NLGN1: variants seen among roughly 807,000 people sequenced by gnomAD.
NLGN1 encodes neuroligin 1, also known as neuroligin-1.
Under a neutral mutation model 65.5 loss-of-function variants are expected in NLGN1, and 12 were observed. The observed-to-expected ratio is 0.18, with a 90% CI of 0.12 to 0.30. The LOEUF is 0.30. Ranked by LOEUF, NLGN1 falls within the 10% of genes least tolerant of loss-of-function variation. NLGN1 has a pLI of 1.00. For missense variants in NLGN1, 750 were observed against 1,007.1 expected, an observed-to-expected ratio of 0.74 and a Z score of 3.46; for synonymous variants, 350 against 359.5, an observed-to-expected ratio of 0.97 and a Z score of 0.30.
intron 2 of NLGN1, among the ~76,000 whole-genome samples, chr3:173,466,670 G>A (rs1326734315): frequency 6.6e-6 from 1 of 152,174 alleles, no homozygotes; most frequent in Admixed American, 6.5e-5. Context: ...CTGGAGAAAT[G>A]CAAGCTATCA....
intron 4 of NLGN1, among the ~76,000 whole-genome samples, chr3:173,850,139 A>G (rs1394184313): frequency 6.6e-6 from 1 of 152,204 alleles, no homozygotes; most frequent in African/African-American, 2.4e-5. Context: ...TTTGGTGGAC[A>G]TCCTTCCAAG....
intron 4 of NLGN1, among the ~76,000 whole-genome samples, chr3:173,986,000 G>A (rs1301995251): frequency 6.6e-6 from 1 of 152,010 alleles, no homozygotes; most frequent in Non-Finnish European, 1.5e-5. Context: ...GATCTGCTGT[G>A]ATTTGAATTA....
chr3:173,780,581 A>G (rs1057271596), intron 3 of NLGN1, among the ~76,000 whole-genome samples: 5 of 152,216 alleles, frequency 3.3e-5, no homozygotes. Context: ...TGTTATTCTG[A>G]GCAGTTACTT....
chr3:173,681,728 G>A (rs1043966468), intron 3 of NLGN1, among the ~76,000 whole-genome samples: 2 of 152,116 alleles, frequency 1.3e-5, no homozygotes, highest in African/African-American at 4.8e-5. Flanking sequence ...TCTCTGCACC[G>A]TGTTCCTTCA....
chr3:173,966,782 C>T (rs1238880291), intron 4 of NLGN1, among the ~76,000 whole-genome samples: 1 of 152,144 alleles, frequency 6.6e-6, no homozygotes, highest in African/African-American at 2.4e-5. Context: ...TAGTTCATTG[C>T]ACTCTTGGTA....
chr3:173,605,178 T>C, intron 3 of NLGN1, 87 bp downstream of exon 2: 6 of 1,096,182 alleles, frequency 5.5e-6, no homozygotes, highest in Non-Finnish European at 7.7e-6. Flanking sequence ...TGTGTACTGG[T>C]AGTATGCATG....
At chr3:173,797,123 A>G (rs1179046300) in intron 3 of NLGN1, among the ~76,000 whole-genome samples, 2 of 152,092 alleles carry the variant, frequency 1.3e-5, no homozygotes, top group African/African-American at 4.8e-5. Flanking sequence ...TGCTGCGGTA[A>G]TCCAGAAGCA....
intron 4 of NLGN1, among the ~76,000 whole-genome samples, chr3:174,069,214 A>G (rs1362683717): frequency 6.6e-6 from 1 of 152,212 alleles, no homozygotes; most frequent in Non-Finnish European, 1.5e-5. Context: ...GTAATACTTT[A>G]TCTATAGTAG....
chr3:173,581,025 GCTT>G (rs910114448), intron 2 of NLGN1, among the ~76,000 whole-genome samples: 19 of 151,898 alleles, frequency 1.3e-4, no homozygotes, highest in Non-Finnish European at 1.3e-4. Context: ...TGGTACATCT[GCTT>G]CTTCTCCCTT....
intron 4 of NLGN1, among the ~76,000 whole-genome samples, chr3:174,092,519 TAAA>T (rs56980219): frequency 1.4e-5 from 2 of 147,200 alleles, no homozygotes; most frequent in Non-Finnish European, 3.0e-5. Context: ...TGGCAATTAT[TAAA>T]AAAAAAAAAT....
At chr3:173,436,175 C>T (rs1000859760) in intron 2 of NLGN1, among the ~76,000 whole-genome samples, 17 of 152,158 alleles carry the variant, frequency 1.1e-4, no homozygotes, top group Non-Finnish European at 5.9e-5. Flanking sequence ...TTAGCCTTTG[C>T]TAAGAAATTA....
rs916911109 is a variant in NLGN1 at position 173,762,934 on chromosome 3, A to T, written c.494-44746A>T. Among the ~76,000 whole-genome samples, 11 of 148,370 alleles carry T rather than the reference A, an allele frequency of 7.4e-5. No individual in the cohort carries two copies. In the Admixed American group the frequency reaches 7.5e-4, roughly 10 times the overall value. ...TTCAATAAGTGTTGTGGAATTCTCC[A>T]GGCAATGGGATTGTGTAAATTTGTC... On this transcript the variant is annotated intron_variant, in intron 3 of 6. Coordinates refer to ENST00000457714, the Ensembl canonical transcript of NLGN1.
chr3:174,280,963 G>A lies in NLGN1; in HGVS notation c.2132G>A (p.Arg711Lys). Reference sequence around the variant, plus strand: ...AAGAGGAGACATGATGTTCACAGGAGATGCAGCCCTCAGCGCACTACTACC... The same window carrying A: ...AAGAGGAGACATGATGTTCACAGGAAATGCAGCCCTCAGCGCACTACTACC... The change falls in exon 7 of 7, where the codon AGA (arginine) becomes AAA (lysine). Residue 711 changes from arginine (R) to lysine (K), a missense_variant. By Grantham distance (26) the Arg-to-Lys change is conservative. Transcript: ENST00000457714. This position sits in a 1 kb window ranked among gnomAD's most constrained non-coding sequence, Gnocchi z 4.9. The A allele has an allele frequency of 3.7e-6, 6 of 1,613,332 alleles. No individual in the cohort carries two copies. The highest frequency in any genetic ancestry group is 5.1e-6 in the Non-Finnish European group (6 of 1,179,576).
rs113038872 is a variant in NLGN1 at position 173,443,975 on chromosome 3, C to T, written c.-321+8897C>T. On this transcript the variant is annotated intron_variant, in intron 2 of 6. Transcript: ENST00000457714. The stretch of plus-strand genomic sequence containing the variant: ...CCAACATAAGATTGTATCGATACTT[C>T]GGTATTAATTTGCTCGTCATTTTTG... Among the ~76,000 whole-genome samples the T allele has an allele frequency of 8.2e-3, 1,242 of 152,192 alleles. 25 individuals are homozygous for T. The highest frequency in any genetic ancestry group is 0.029 in the African/African-American group (1,190 of 41,530).
rs193129836 is a variant in NLGN1, at chr3:174,020,240, T to A, written c.646+212408T>A. On this transcript the variant is annotated intron_variant, in intron 4 of 6. Transcript: ENST00000457714. ...AACTTTATTGTTAATTGATTCCTTC[T>A]GTAATAAATGTTTGAGGAAGCGAAA... is the stretch of plus-strand genomic sequence containing the variant. 2.7e-3 allele frequency among the ~76,000 whole-genome samples: 406 copies of A among 152,238 alleles called. 4 individuals are homozygous for A. The highest frequency in any genetic ancestry group is 2.8e-3 in the Non-Finnish European group (191 of 68,004).
intron 4 of NLGN1, among the ~76,000 whole-genome samples, chr3:174,136,271 A>G (rs1348741337): frequency 6.6e-6 from 1 of 152,156 alleles, no homozygotes; most frequent in African/African-American, 2.4e-5. Flanking sequence ...AATACATACT[A>G]TTGGGTGTTT....
chr3:174,219,882 G>A (rs1054338700), intron 4 of NLGN1, among the ~76,000 whole-genome samples: 18 of 152,100 alleles, frequency 1.2e-4, no homozygotes, highest in African/African-American at 3.9e-4. Flanking sequence ...GCAAGATTGC[G>A]GGCTGCAGTT....
chr3:174,166,956 A>G (rs186832618), intron 4 of NLGN1, among the ~76,000 whole-genome samples: 1 of 151,698 alleles, frequency 6.6e-6, no homozygotes, highest in Non-Finnish European at 1.5e-5. Context: ...TCCTTTTTTT[A>G]CTGTTGTTGG....
chr3:174,124,559 G>A (rs533529060), intron 4 of NLGN1, among the ~76,000 whole-genome samples: 3 of 142,276 alleles, frequency 2.1e-5, no homozygotes, highest in East Asian at 2.0e-4. Flanking sequence ...ATATATATAC[G>A]TATATATACG....
Sources: gnomAD v4.1 joint callset for allele counts (sites outside exome capture counted in the v4.1 genomes callset) on GRCh38, gnomAD v4.1.1 for gene constraint, Gnocchi (gnomAD v3.1) non-coding constraint, MANE v1.5 for transcripts, NCBI Gene and HGNC (gene_info 2026-07-23, HGNC 2026-07-21) for gene names.